The following FAM83A variants were observed in gnomAD, a reference collection of about 807,000 sequenced individuals.
FAM83A encodes the protein scaffolding CK1 anchoring protein A, also known as protein FAM83A.
A neutral mutation model predicts 24.4 loss-of-function variants in FAM83A; 21 were observed. The ratio of observed to expected loss-of-function variants is 0.86; its 90% CI spans 0.61 to 1.24. The LOEUF is 1.24. Among genes scored for constraint, FAM83A ranks in the 50% most tolerant of loss-of-function variants. The pLI, the probability that FAM83A is intolerant of heterozygous loss-of-function variation, is 0.00. For synonymous variants in FAM83A, 270 were observed against 252.4 expected, an observed-to-expected ratio of 1.07 and a Z score of -0.66; for missense variants, 617 against 579.8, an observed-to-expected ratio of 1.06 and a Z score of -0.66.
intron 1 of FAM83A, among the ~76,000 whole-genome samples, chr8:123,190,834 C>T (rs545489342): frequency 6.6e-6 from 1 of 152,178 alleles, no homozygotes; most frequent in Non-Finnish European, 1.5e-5. Flanking sequence ...CAGGCAGGCT[C>T]TCCCCAAGAG....
At chr8:123,208,784 T>A (rs2131115537) in exon 4 of FAM83A, 1 of 963,272 alleles carries the variant, frequency 1.0e-6, no homozygotes, top group African/African-American at 1.8e-5. Flanking sequence ...TTACCTGAGA[T>A]CAGGTGGATT....
At chr8:123,194,798 A>C (rs1311312846) in intron 3 of FAM83A, among the ~76,000 whole-genome samples, 1 of 151,980 alleles carries the variant, frequency 6.6e-6, no homozygotes, top group Non-Finnish European at 1.5e-5. Flanking sequence ...TTATTTTTTA[A>C]ATTTTTATTA....
At position 123,209,222 on chromosome 8, in the gene FAM83A, G is replaced by A. The variant is rs372614688; in HGVS notation, c.*1534G>A. ...AGCTCAGCCTTCGCTGTGGAGGGAC[G>A]AGAGCACAGAGCTCTTCCTCCTGGT... On this transcript the variant is annotated 3_prime_UTR_variant, in exon 4 of 4. Transcript: ENST00000690554. The surrounding 1 kb of genome is among the most constrained non-coding windows in gnomAD (Gnocchi z 4.7). 43 of 1,213,510 alleles carry A rather than the reference G, an allele frequency of 3.5e-5. No individual in the cohort carries two copies. Among genetic ancestry groups the A allele is most frequent in the Admixed American group, 4.0e-5 (1 of 25,308 alleles). The allele number at this position is 1,213,510 out of a possible 1,614,324, so 75.2% of individuals were successfully genotyped here. A position where few individuals can be genotyped will look rare whatever the true frequency, so the allele number is the denominator to read the frequency against.
intron 3 of FAM83A, among the ~76,000 whole-genome samples, chr8:123,199,198 G>A (rs1289965106): frequency 6.6e-6 from 1 of 152,172 alleles, no homozygotes; most frequent in African/African-American, 2.4e-5. Flanking sequence ...GGGCATCTGA[G>A]ATGCACTAAA....
At chr8:123,204,382 G>A (rs907863024) in intron 3 of FAM83A, among the ~76,000 whole-genome samples, 1 of 152,204 alleles carries the variant, frequency 6.6e-6, no homozygotes, top group Non-Finnish European at 1.5e-5. Flanking sequence ...GAAAATGGGT[G>A]ATGAATAGAC....
chr8:123,209,767 C>T lies in FAM83A; in HGVS notation c.*2079C>T, dbSNP rs1228543010. On this transcript the variant is annotated 3_prime_UTR_variant, in exon 4 of 4. Transcript: ENST00000690554. This position sits in a 1 kb window ranked among gnomAD's most constrained non-coding sequence, Gnocchi z 4.7. ...CACCCTCCATCAGCAGTCTCCCCTC[C>T]GTGGTCGTCTTTGTTGACAAAGGTG... The T allele has an allele frequency of 2.3e-5, 13 of 574,052 alleles. No homozygotes were observed. The highest frequency in any genetic ancestry group is 8.5e-5 in the East Asian group (3 of 35,408). 35.6% of individuals were successfully genotyped at this position (574,052 alleles called of 1,614,324 possible).
chr8:123,183,433 G>A (rs1289668223), intron 1 of FAM83A, 97 bp downstream of exon 1: 3 of 1,513,340 alleles, frequency 2.0e-6, no homozygotes, highest in Admixed American at 2.0e-5. Context: ...CCCAGGGCGA[G>A]AGTCCAGATA....
chr8:123,206,004 G>A (rs188873720), intron 3 of FAM83A, among the ~76,000 whole-genome samples: 3 of 151,924 alleles, frequency 2.0e-5, no homozygotes, highest in Non-Finnish European at 4.4e-5. Context: ...TTAGCTGGGC[G>A]TGGTGGCGGG....
At position 123,205,599 on chromosome 8, in the gene FAM83A, C is replaced by T. The variant is rs530879407; in HGVS notation, c.774-1558C>T. On this transcript the variant is annotated intron_variant, in intron 3 of 3. Transcript: ENST00000690554. ...GCCTTTGGGTGGCAAGACAGGTGGG[C>T]TGGGGGCTGGGGGCTGCGATCCTAT... Among the ~76,000 whole-genome samples the T allele has an allele frequency of 4.6e-5, 7 of 152,300 alleles. No homozygotes were observed. In the East Asian group the frequency reaches 1.2e-3, roughly 25 times the overall value.
At chr8:123,182,776 C>G in exon 1 of FAM83A, 1 of 1,492,730 alleles carries the variant, frequency 6.7e-7, no homozygotes, top group Non-Finnish European at 8.9e-7. Flanking sequence ...CCCCACTCCT[C>G]CGTGGTGTGT....
chr8:123,194,195 G>A, intron 3 of FAM83A, 47 bp downstream of exon 3: 3 of 1,609,252 alleles, frequency 1.9e-6, no homozygotes, highest in Non-Finnish European at 2.5e-6. Flanking sequence ...GAGAACAAGG[G>A]CTGAGTGAGG....
intron 1 of FAM83A, among the ~76,000 whole-genome samples, chr8:123,183,759 T>C (rs2077653462): frequency 6.6e-6 from 1 of 151,276 alleles, no homozygotes; most frequent in South Asian, 2.1e-4. Flanking sequence ...GTAGTGGCAC[T>C]ATCTCGGGTC....
chr8:123,197,683 G>T (rs1200576845), intron 3 of FAM83A, among the ~76,000 whole-genome samples: 1 of 152,228 alleles, frequency 6.6e-6, no homozygotes, highest in African/African-American at 2.4e-5. Context: ...GGGGAACTCA[G>T]GTTTTGCATC....
intron 1 of FAM83A, among the ~76,000 whole-genome samples, chr8:123,185,545 C>T (rs1287120965): frequency 3.9e-5 from 6 of 152,216 alleles, no homozygotes; most frequent in Non-Finnish European, 8.8e-5. Flanking sequence ...ACTTAAAAAT[C>T]TGAAGATTTC....
chr8:123,186,218 T>C (rs990709013), intron 1 of FAM83A, among the ~76,000 whole-genome samples: 9 of 152,010 alleles, frequency 5.9e-5, no homozygotes, highest in Non-Finnish European at 1.2e-4. Flanking sequence ...CACATGCACA[T>C]ATGCACACAC....
intron 3 of FAM83A, among the ~76,000 whole-genome samples, chr8:123,206,919 C>G (rs1052591221): frequency 6.7e-6 from 1 of 150,010 alleles, no homozygotes; most frequent in Non-Finnish European, 1.5e-5. Context: ...TGTCCTCCTC[C>G]TCCTCCTCTT....
At chr8:123,192,059 G>C in intron 2 of FAM83A, 89 bp downstream of exon 2, 1 of 1,437,042 alleles carries the variant, frequency 7.0e-7, no homozygotes, top group Non-Finnish European at 9.5e-7. Context: ...CTCATCTTGT[G>C]TTAATAGCTT....
intron 1 of FAM83A, among the ~76,000 whole-genome samples, chr8:123,185,270 A>T (rs1187641962): frequency 1.3e-5 from 2 of 152,152 alleles, no homozygotes; most frequent in Admixed American, 1.3e-4. Context: ...TGAGTGTGCC[A>T]GTTCTGGTCT....
At chr8:123,202,287 C>T (rs1824387911) in intron 3 of FAM83A, 1 of 152,900 alleles carries the variant, frequency 6.5e-6, no homozygotes, top group African/African-American at 2.4e-5. Flanking sequence ...GTCTTTCATG[C>T]TCTTTCGAGT....
Sources: gnomAD v4.1 joint callset for allele counts (sites outside exome capture counted in the v4.1 genomes callset) on GRCh38, gnomAD v4.1.1 for gene constraint, Gnocchi (gnomAD v3.1) non-coding constraint, MANE v1.5 for transcripts, NCBI Gene and HGNC (gene_info 2026-07-23, HGNC 2026-07-21) for gene names.